PCDH15: variants seen among roughly 807,000 people sequenced by gnomAD.
PCDH15 encodes the protein protocadherin-15.
A neutral mutation model predicts 178.5 loss-of-function variants in PCDH15; 129 were observed. The observed-to-expected ratio is 0.72, with a 90% CI of 0.63 to 0.84. The LOEUF (loss-of-function observed/expected upper bound fraction) is 0.84. Ranked by LOEUF, PCDH15 falls within the 40% of genes least tolerant of loss-of-function variation. PCDH15 has a pLI of 0.00. For synonymous variants in PCDH15, 800 were observed against 732.0 expected (o/e 1.09, Z -1.50); for missense variants, 2,230 against 2,099.9 (o/e 1.06, Z -1.21).
At chr10:55,588,564 T>C (rs1209403790) in intron 2 of PCDH15, among the ~76,000 whole-genome samples, 1 of 152,108 alleles carries the variant, frequency 6.6e-6, no homozygotes, top group Non-Finnish European at 1.5e-5. Flanking sequence ...CATAATTTTA[T>C]TAAGATGGGA....
At chr10:54,225,637 T>G (rs962023961) in intron 9 of PCDH15, among the ~76,000 whole-genome samples, 4 of 152,208 alleles carry the variant, frequency 2.6e-5, no homozygotes, top group Admixed American at 6.5e-5. Context: ...AGACAAAATT[T>G]TATCTATTGT....
chr10:54,380,729 T>TATATACACAC (rs1554941857), intron 3 of PCDH15, among the ~76,000 whole-genome samples: 1 of 115,074 alleles, frequency 8.7e-6, no homozygotes, highest in African/African-American at 3.7e-5. Context: ...TATATATATA[T>TATATACACAC]ATATATATAT....
intron 2 of PCDH15, among the ~76,000 whole-genome samples, chr10:55,111,811 A>G (rs1837513455): frequency 6.6e-6 from 1 of 152,182 alleles, no homozygotes; most frequent in African/African-American, 2.4e-5. Flanking sequence ...CCATTGCACT[A>G]CATTGCACTA....
chr10:54,644,025 G>C (rs918651753), intron 2 of PCDH15, among the ~76,000 whole-genome samples: 2 of 121,514 alleles, frequency 1.6e-5, no homozygotes, highest in African/African-American at 6.4e-5. Flanking sequence ...GTGTCCATGT[G>C]TTCTCATTGT....
intron 2 of PCDH15, among the ~76,000 whole-genome samples, chr10:55,335,670 C>T (rs7909508): frequency 0.063 from 9,557 of 152,094 alleles, 708 homozygotes; most frequent in African/African-American, 0.18. Context: ...AGGAAACGCA[C>T]AGTTTGTTAT....
intron 2 of PCDH15, among the ~76,000 whole-genome samples, chr10:55,376,714 G>A (rs1279294972): frequency 6.6e-6 from 1 of 151,980 alleles, no homozygotes; most frequent in African/African-American, 2.4e-5. Context: ...AGATTTTACT[G>A]TTGTTCTTGG....
intron 2 of PCDH15, among the ~76,000 whole-genome samples, chr10:54,992,366 C>G (rs1364325758): frequency 6.6e-6 from 1 of 152,160 alleles, no homozygotes; most frequent in Admixed American, 6.5e-5. Context: ...CGAGGATGAG[C>G]ATGCAGCTCA....
chr10:54,909,606 C>T (rs1954785400), intron 2 of PCDH15, among the ~76,000 whole-genome samples: 1 of 152,044 alleles, frequency 6.6e-6, no homozygotes, highest in Non-Finnish European at 1.5e-5. Context: ...TTCCTGGGCC[C>T]TCAGAGTGCA....
chr10:54,693,765 T>A (rs868422820), intron 1 of PCDH15, among the ~76,000 whole-genome samples: 4 of 152,218 alleles, frequency 2.6e-5, no homozygotes, highest in Non-Finnish European at 5.9e-5. Context: ...GAGGGAGGTA[T>A]CAATCAAGTA....
rs747154146 is a variant in PCDH15, at chr10:54,195,744, G to A, written c.1244C>T (p.Ser415Leu). Residue 415 changes from serine (S) to leucine (L), a missense_variant, in exon 11 of 38, where the codon TCG (serine) becomes TTG (leucine). Ser to Leu is a moderately radical substitution (Grantham distance 145). Coordinates refer to ENST00000644397, the MANE Select transcript of PCDH15 (RefSeq NM_001384140.1). Reference protein sequence around the residue: ...LESAPVGATISDSLNLTSPLR... With the variant: ...LESAPVGATILDSLNLTSPLR... Reference sequence around the variant, plus strand: ...AGGTGAAGTCAAATTGAGACTGTCCGAAATGGTTGCTCCCACTGGGGCAGA... The same window carrying A: ...AGGTGAAGTCAAATTGAGACTGTCCAAAATGGTTGCTCCCACTGGGGCAGA... 6.2e-7 allele frequency: 1 copy of A among 1,614,056 alleles called. No individual in the cohort carries two copies. The highest frequency in any genetic ancestry group is 8.5e-7 in the Non-Finnish European group (1 of 1,179,974).
chr10:54,997,795 TA>T (rs1006159210), intron 2 of PCDH15, among the ~76,000 whole-genome samples: 1 of 151,892 alleles, frequency 6.6e-6, no homozygotes, highest in African/African-American at 2.4e-5. Flanking sequence ...GATAAACTGC[TA>T]AAAAAAATGA....
intron 3 of PCDH15, among the ~76,000 whole-genome samples, chr10:54,860,729 G>T (rs2131779894): frequency 6.6e-6 from 1 of 152,250 alleles, no homozygotes; most frequent in East Asian, 1.9e-4. Context: ...TCTTCAAACT[G>T]CTTTCCACAA....
intron 1 of PCDH15, among the ~76,000 whole-genome samples, chr10:55,228,354 A>C (rs527540915): frequency 1.4e-5 from 2 of 143,892 alleles, no homozygotes; most frequent in South Asian, 4.6e-4. Context: ...TAGGAAGATC[A>C]AAAAAAAAAT....
intron 16 of PCDH15, among the ~76,000 whole-genome samples, chr10:54,085,864 G>A (rs1235782814): frequency 6.6e-6 from 1 of 151,894 alleles, no homozygotes; most frequent in African/African-American, 2.4e-5. Context: ...GGAAAGTAAT[G>A]GTATTATAAT....
chr10:55,302,925 A>G (rs1373296132), intron 1 of PCDH15, among the ~76,000 whole-genome samples: 1 of 152,148 alleles, frequency 6.6e-6, no homozygotes, highest in African/African-American at 2.4e-5. Flanking sequence ...TTGCCGAGGA[A>G]AAGGATGCAA....
chr10:54,580,317 C>T (rs956421529), intron 2 of PCDH15, among the ~76,000 whole-genome samples: 1 of 151,942 alleles, frequency 6.6e-6, no homozygotes, highest in African/African-American at 2.4e-5. Context: ...CCGAAAAGAT[C>T]CTGAGAATAT....
chr10:54,619,739 G>A (rs537924542), intron 2 of PCDH15, among the ~76,000 whole-genome samples: 2 of 151,946 alleles, frequency 1.3e-5, no homozygotes, highest in Non-Finnish European at 2.9e-5. Flanking sequence ...TTTCTAGACT[G>A]CCGCACTAGA....
At chr10:54,970,618 T>TA (rs34137952) in intron 2 of PCDH15, among the ~76,000 whole-genome samples, 7,399 of 151,762 alleles carry the variant, frequency 0.049, 368 homozygotes, top group African/African-American at 0.12. Context: ...AAAATTCCCT[T>TA]AAAAAAACTA....
At chr10:54,844,450 T>C (rs1318320340) in intron 3 of PCDH15, among the ~76,000 whole-genome samples, 2 of 151,944 alleles carry the variant, frequency 1.3e-5, no homozygotes, top group Non-Finnish European at 2.9e-5. Flanking sequence ...CTGACACATA[T>C]ATGCTTTCCC....
Sources: allele counts gnomAD v4.1 joint callset (sites outside exome capture counted in the v4.1 genomes callset), GRCh38; gene constraint gnomAD v4.1.1; transcripts MANE v1.5; gene names NCBI Gene and HGNC (gene_info 2026-07-23, HGNC 2026-07-21).